Variants in CAAP1 observed in about 807,000 individuals in gnomAD.
CAAP1 encodes the protein caspase activity and apoptosis inhibitor 1.
Under a neutral mutation model 34.0 loss-of-function variants are expected in CAAP1, and 20 were observed. That is an observed-to-expected ratio of 0.59 (90% CI 0.41 to 0.86). The LOEUF is 0.86. CAAP1 is among the 40% of genes least tolerant of loss of function. The pLI is 0.00. For synonymous variants in CAAP1, 213 were observed against 166.7 expected (o/e 1.28, Z -2.14); for missense variants, 538 against 450.5 (o/e 1.19, Z -1.76).
intron 1 of CAAP1, among the ~76,000 whole-genome samples, chr9:26,890,146 G>A (rs1033732163): frequency 6.6e-6 from 1 of 151,996 alleles, no homozygotes; most frequent in Admixed American, 6.6e-5. Flanking sequence ...GAGACGAGTG[G>A]ATCACCTGAG....
At position 26,848,711 on chromosome 9, in the gene CAAP1, T is replaced by C. The variant is rs114396910; in HGVS notation, c.740-6064A>G. Reference sequence around the variant, plus strand: ...TATTACATTTTAGTTTTTTCTATTATGTGGCACACTCCTTTTTATTTATAT... The same window carrying C: ...TATTACATTTTAGTTTTTTCTATTACGTGGCACACTCCTTTTTATTTATAT... On this transcript the variant is annotated intron_variant, in intron 5 of 5. Transcript: ENST00000333916. Among the ~76,000 whole-genome samples the C allele has an allele frequency of 8.1e-3, 1,228 of 152,320 alleles. 21 individuals carry two copies. The highest frequency in any genetic ancestry group is 0.028 in the African/African-American group (1,165 of 41,570).
chr9:26,887,168 C>T (rs937192477), intron 2 of CAAP1, 145 bp downstream of exon 2: 8 of 522,026 alleles, frequency 1.5e-5, no homozygotes, highest in South Asian at 2.9e-5. Context: ...GCCAAGATCA[C>T]GCCACCACAC....
intron 4 of CAAP1, among the ~76,000 whole-genome samples, chr9:26,871,780 G>A (rs1823281498): frequency 1.3e-5 from 2 of 151,580 alleles, no homozygotes; most frequent in South Asian, 4.2e-4. Context: ...AAAACTAGCT[G>A]GGCAGGGCGG....
At chr9:26,854,151 G>C (rs1822816319) in intron 5 of CAAP1, among the ~76,000 whole-genome samples, 1 of 152,140 alleles carries the variant, frequency 6.6e-6, no homozygotes, top group South Asian at 2.1e-4. Context: ...AATGATAACA[G>C]AAATAATTAC....
chr9:26,883,204 C>T lies in CAAP1; in HGVS notation c.665+1606G>A, dbSNP rs117310361. Among the ~76,000 whole-genome samples, 1,237 of 152,216 alleles carry T rather than the reference C, an allele frequency of 8.1e-3. 10 individuals are homozygous for T. Among genetic ancestry groups the T allele is most frequent in the Non-Finnish European group, 9.3e-3 (630 of 68,014 alleles). Reference sequence around the variant, plus strand: ...TGGAAGGGGCCGGGGCAGAATGATACGGTTTGGCTGTGTCTCCACCCAAAT... The same window carrying T: ...TGGAAGGGGCCGGGGCAGAATGATATGGTTTGGCTGTGTCTCCACCCAAAT... On this transcript the variant is annotated intron_variant, in intron 4 of 5. Transcript: ENST00000333916.
chr9:26,865,432 T>C (rs960354875), intron 4 of CAAP1, among the ~76,000 whole-genome samples: 3 of 151,628 alleles, frequency 2.0e-5, no homozygotes, highest in East Asian at 1.9e-4. Flanking sequence ...ATTGAGGCAG[T>C]AGAATCACTG....
At chr9:26,885,931 G>A (rs144752107) in intron 3 of CAAP1, among the ~76,000 whole-genome samples, 173 bp downstream of exon 3, 240 of 151,974 alleles carry the variant, frequency 1.6e-3, no homozygotes, top group African/African-American at 5.3e-3. Context: ...TTCTTGAAAC[G>A]CTTTTCTGAT....
intron 4 of CAAP1, among the ~76,000 whole-genome samples, chr9:26,870,768 C>G (rs1823256430): frequency 1.3e-5 from 2 of 151,746 alleles, no homozygotes; most frequent in Non-Finnish European, 2.9e-5. Flanking sequence ...AGGCATGCGC[C>G]ATCACACCCA....
At chr9:26,872,082 G>C (rs1823290909) in intron 4 of CAAP1, among the ~76,000 whole-genome samples, 1 of 152,086 alleles carries the variant, frequency 6.6e-6, no homozygotes, top group African/African-American at 2.4e-5. Flanking sequence ...TCACTGCTAG[G>C]GTTCAGCAAT....
chr9:26,841,006 T>G lies in CAAP1; in HGVS notation c.*1295A>C, dbSNP rs1275377101. 1 of 152,130 alleles carries G rather than the reference T, an allele frequency of 6.6e-6. No individual in the cohort carries two copies. Among genetic ancestry groups the G allele is most frequent in the East Asian group, 1.9e-4 (1 of 5,200 alleles). 9.4% of individuals were successfully genotyped at this position (152,130 alleles called of 1,614,324 possible). On this transcript the variant is annotated 3_prime_UTR_variant, in exon 6 of 6. Transcript: ENST00000333916. The stretch of plus-strand genomic sequence containing the variant: ...GAGGGGGAAAAAATGGTAGAATTAT[T>G]CCAAGGCATGTTCAGGAACAACAAC...
intron 4 of CAAP1, among the ~76,000 whole-genome samples, chr9:26,868,120 A>T (rs1395248046): frequency 6.6e-6 from 1 of 152,240 alleles, no homozygotes; most frequent in African/African-American, 2.4e-5. Context: ...TCAGTTTCGT[A>T]CTATTCCTTC....
intron 5 of CAAP1, among the ~76,000 whole-genome samples, chr9:26,846,800 G>A (rs1227600568): frequency 6.6e-6 from 1 of 151,914 alleles, no homozygotes; most frequent in Non-Finnish European, 1.5e-5. Context: ...CAATTCTCCT[G>A]CCTCAGCCTC....
intron 4 of CAAP1, among the ~76,000 whole-genome samples, chr9:26,862,649 A>G (rs997335319): frequency 7.9e-5 from 12 of 152,172 alleles, no homozygotes; most frequent in African/African-American, 2.9e-4. Context: ...ACTCCAGGTT[A>G]AAGGGTTGCT....
At chr9:26,876,251 G>T (rs546875881) in intron 4 of CAAP1, among the ~76,000 whole-genome samples, 1 of 151,978 alleles carries the variant, frequency 6.6e-6, no homozygotes, top group African/African-American at 2.4e-5. Flanking sequence ...TCTTGACTTC[G>T]ACTGTCTTAT....
rs548212706 is a variant in CAAP1, at chr9:26,882,600, G to A, written c.665+2210C>T. Among the ~76,000 whole-genome samples the A allele has an allele frequency of 1.7e-4, 26 of 152,296 alleles. No homozygotes were observed. The South Asian group carries it at 5.4e-3, about 32-fold the overall frequency. Reference sequence around the variant, plus strand: ...AGGGCAGTGCAGAAGGGAAATGTGGGGTTGAAGCCTCCACACACAGTCTTC... The same window carrying A: ...AGGGCAGTGCAGAAGGGAAATGTGGAGTTGAAGCCTCCACACACAGTCTTC... On this transcript the variant is annotated intron_variant, in intron 4 of 5. Coordinates refer to ENST00000333916, the MANE Select transcript of CAAP1 (RefSeq NM_024828.4).
chr9:26,865,087 CAATAT>C (rs1823101521), intron 4 of CAAP1, among the ~76,000 whole-genome samples: 1 of 151,938 alleles, frequency 6.6e-6, no homozygotes, highest in Non-Finnish European at 1.5e-5. Flanking sequence ...AAAATAATGT[CAATAT>C]AACAGATTGA....
rs1168740890 is a variant in CAAP1, at chr9:26,841,295, C to G, written c.*1006G>C. 1.3e-5 allele frequency: 2 copies of G among 152,376 alleles called. No homozygotes were observed. Among genetic ancestry groups the G allele is most frequent in the African/African-American group, 2.4e-5 (1 of 41,380 alleles). The allele number at this position is 152,376 out of a possible 1,614,324, so 9.4% of individuals were successfully genotyped here. A position where few individuals can be genotyped will look rare whatever the true frequency, so the allele number is the denominator to read the frequency against. ...ATTTATTTTAAGTTAAGGATCTCTA[C>G]GTAAATTTATTTTGGTATCAAACAA... On this transcript the variant is annotated 3_prime_UTR_variant, in exon 6 of 6. Coordinates refer to ENST00000333916, the MANE Select transcript of CAAP1 (RefSeq NM_024828.4).
chr9:26,879,123 A>G (rs1338799700), intron 4 of CAAP1, among the ~76,000 whole-genome samples: 1 of 152,228 alleles, frequency 6.6e-6, no homozygotes, highest in African/African-American at 2.4e-5. Flanking sequence ...TCTTTCCATG[A>G]CATTACTTGA....
intron 5 of CAAP1, among the ~76,000 whole-genome samples, chr9:26,847,708 CCTGT>C (rs924185451): frequency 4.6e-5 from 7 of 151,386 alleles, no homozygotes; most frequent in Admixed American, 1.3e-4. Context: ...TTGTAGTTTT[CCTGT>C]CTTATAATTT....
Sources: allele counts gnomAD v4.1 joint callset (sites outside exome capture counted in the v4.1 genomes callset), GRCh38; gene constraint gnomAD v4.1.1; transcripts MANE v1.5; gene names NCBI Gene and HGNC (gene_info 2026-07-23, HGNC 2026-07-21).